The following TMEM63C variants were observed in gnomAD, a reference collection of about 807,000 sequenced individuals.
The protein encoded by TMEM63C is transmembrane protein 63C.
Under a neutral mutation model 99.2 loss-of-function variants are expected in TMEM63C, and 32 were observed. The observed-to-expected ratio is 0.32, with a 90% CI of 0.24 to 0.43. The LOEUF is 0.43. Ranked by LOEUF, TMEM63C falls within the 20% of genes least tolerant of loss-of-function variation. The pLI is 1.00. For synonymous variants in TMEM63C, 376 were observed against 397.9 expected (o/e 0.94, Z 0.66); for missense variants, 826 against 1,053.0 (o/e 0.78, Z 2.98).
chr14:77,182,943 AG>A (rs1333566930), intron 1 of TMEM63C, among the ~76,000 whole-genome samples: 2 of 152,128 alleles, frequency 1.3e-5, no homozygotes, highest in East Asian at 3.9e-4. Flanking sequence ...CCCTCAAGAA[AG>A]GGTCCATCTC....
chr14:77,225,330 G>T, intron 5 of TMEM63C, 94 bp from the exon 6 acceptor site: 1 of 1,200,698 alleles, frequency 8.3e-7, no homozygotes, highest in Non-Finnish European at 1.2e-6. Flanking sequence ...CGCTGCCGCG[G>T]CTGCCTCAGA....
intron 1 of TMEM63C, among the ~76,000 whole-genome samples, chr14:77,212,557 C>T (rs978328278): frequency 1.3e-5 from 2 of 152,232 alleles, no homozygotes; most frequent in African/African-American, 2.4e-5. Flanking sequence ...GATTTTCTGC[C>T]TGTCTTCTTC....
chr14:77,218,890 G>T lies in TMEM63C; in HGVS notation c.77G>T (p.Arg26Leu). The part of the protein sequence containing the change: ...NMTVDECFQS[R>L]NTVLQGQPFG... Reference sequence around the variant, plus strand: ...ACAGTGGATGAATGCTTCCAGTCTCGGAACACCGTCCTCCAGGGGCAGCCC... The same window carrying T: ...ACAGTGGATGAATGCTTCCAGTCTCTGAACACCGTCCTCCAGGGGCAGCCC... Residue 26 changes from arginine (R) to leucine (L), a missense_variant, in exon 3 of 24, where the codon CGG (arginine) becomes CTG (leucine). Physicochemically the swap from Arg to Leu is moderately radical, Grantham distance 102 (BLOSUM62 -2). Transcript: ENST00000298351. The T allele has an allele frequency of 6.2e-7, 1 of 1,613,198 alleles. No individual in the cohort carries two copies. The highest frequency in any genetic ancestry group is 8.5e-7 in the Non-Finnish European group (1 of 1,179,588).
At chr14:77,192,533 A>G (rs913913604) in intron 1 of TMEM63C, among the ~76,000 whole-genome samples, 6 of 152,200 alleles carry the variant, frequency 3.9e-5, no homozygotes, top group Admixed American at 2.6e-4. Flanking sequence ...TTTGAAAAAA[A>G]TAATAAAGTT....
intron 9 of TMEM63C, among the ~76,000 whole-genome samples, chr14:77,237,067 T>C (rs987949659): frequency 2.6e-4 from 40 of 151,760 alleles, no homozygotes; most frequent in African/African-American, 9.7e-4. Flanking sequence ...CTCTCACCCC[T>C]AATGAAACTT....
chr14:77,233,359 C>A (rs1485387767), intron 7 of TMEM63C, 93 bp from the exon 8 acceptor site: 5 of 1,337,204 alleles, frequency 3.7e-6, no homozygotes, highest in Non-Finnish European at 5.3e-6. Context: ...CAAGCATCTC[C>A]AGACCCCACG....
At chr14:77,214,832 C>T (rs531699345) in intron 2 of TMEM63C, among the ~76,000 whole-genome samples, 37 of 151,900 alleles carry the variant, frequency 2.4e-4, no homozygotes, top group Middle Eastern at 3.4e-3. Context: ...ACCAAACATC[C>T]CACTTTCAGC....
At chr14:77,206,113 A>G (rs577028619) in intron 1 of TMEM63C, among the ~76,000 whole-genome samples, 1 of 152,100 alleles carries the variant, frequency 6.6e-6, no homozygotes, top group East Asian at 1.9e-4. Flanking sequence ...TACCTCCTGG[A>G]GGCTACCATT....
chr14:77,215,158 T>TGGC (rs1429890720), intron 2 of TMEM63C, among the ~76,000 whole-genome samples: 1 of 152,172 alleles, frequency 6.6e-6, no homozygotes, highest in African/African-American at 2.4e-5. Context: ...CATTGTTGCC[T>TGGC]GGCAATCCTG....
chr14:77,228,671 G>A (rs113939311), intron 6 of TMEM63C, among the ~76,000 whole-genome samples: 15,860 of 151,848 alleles, frequency 0.1, 936 homozygotes, highest in Middle Eastern at 0.17. Context: ...CAAGTAGCTG[G>A]GATTACAGGC....
intron 1 of TMEM63C, among the ~76,000 whole-genome samples, chr14:77,186,811 G>GTGTGTGTGTGTGTC (rs1566614242): frequency 2.0e-5 from 3 of 147,666 alleles, no homozygotes; most frequent in Non-Finnish European, 4.5e-5. Context: ...CTGTGTGTGT[G>GTGTGTGTGTGTGTC]TGTGTGTGTC....
chr14:77,242,867 T>C (rs1486070206), intron 14 of TMEM63C, 36 bp from the exon 15 acceptor site: 1 of 1,613,156 alleles, frequency 6.2e-7, no homozygotes, highest in Non-Finnish European at 8.5e-7. Flanking sequence ...AGAACTGATG[T>C]CTCTAAATGT....
chr14:77,202,193 T>C (rs1888310599), intron 1 of TMEM63C, among the ~76,000 whole-genome samples: 1 of 152,054 alleles, frequency 6.6e-6, no homozygotes, highest in Non-Finnish European at 1.5e-5. Flanking sequence ...AACACATAAA[T>C]ATGCATGCAA....
chr14:77,224,568 C>T (rs777593668), intron 5 of TMEM63C, among the ~76,000 whole-genome samples: 2 of 152,094 alleles, frequency 1.3e-5, no homozygotes, highest in South Asian at 2.1e-4. Flanking sequence ...GGCCCCAGCC[C>T]CCTCTCTTAC....
chr14:77,206,913 A>T (rs1159261932), intron 1 of TMEM63C, among the ~76,000 whole-genome samples: 1 of 151,802 alleles, frequency 6.6e-6, no homozygotes, highest in Non-Finnish European at 1.5e-5. Context: ...AATCCAGATC[A>T]TTTCATTTAA....
Position 77,231,177 on chromosome 14 carries a change from C to T in TMEM63C, c.351-411C>T, listed in dbSNP as rs995496348. On this transcript the variant is annotated intron_variant, in intron 6 of 23. Transcript: ENST00000298351. ...AGTGTGGAGTGATAGCTCATTATCT[C>T]GTCATGGGTTTCAGGTGTTCCTTTT... Among the ~76,000 whole-genome samples, 6 of 152,130 alleles carry T rather than the reference C, an allele frequency of 3.9e-5. No individual in the cohort carries two copies. The East Asian group carries it at 5.8e-4, about 15-fold the overall frequency.
intron 6 of TMEM63C, among the ~76,000 whole-genome samples, chr14:77,228,163 G>A (rs961949752): frequency 1.3e-5 from 2 of 152,148 alleles, no homozygotes; most frequent in Non-Finnish European, 2.9e-5. Flanking sequence ...GAAGAAGGGC[G>A]ATTGGCTGGA....
intron 12 of TMEM63C, 140 bp downstream of exon 12, chr14:77,239,866 C>T: frequency 8.1e-7 from 1 of 1,237,110 alleles, no homozygotes; most frequent in Non-Finnish European, 1.1e-6. Context: ...TCCTTCCTCC[C>T]CATCCACCAT....
chr14:77,242,847 G>T (rs559171740), intron 14 of TMEM63C, 56 bp from the exon 15 acceptor site: 4 of 1,604,626 alleles, frequency 2.5e-6, no homozygotes, highest in East Asian at 2.2e-5. Flanking sequence ...CAAACAGCAC[G>T]TGGGCTCTAA....
Sources: gnomAD v4.1 joint callset for allele counts (sites outside exome capture counted in the v4.1 genomes callset) on GRCh38, gnomAD v4.1.1 for gene constraint, MANE v1.5 for transcripts, NCBI Gene and HGNC (gene_info 2026-07-23, HGNC 2026-07-21) for gene names.